Variants in RB1 observed in about 807,000 individuals in gnomAD.
RB1 encodes the protein retinoblastoma-associated protein.
In RB1, 18 loss-of-function variants were observed where a neutral mutation model predicts 135.4. That is an observed-to-expected ratio of 0.13 (90% CI 0.09 to 0.20). The LOEUF (loss-of-function observed/expected upper bound fraction) is 0.20, where lower values mean the gene tolerates loss of function less well. Among genes scored for constraint, RB1 ranks in the 10% least tolerant of loss-of-function variants. RB1 has a pLI of 1.00. For missense variants in RB1, 868 were observed against 1,110.0 expected (o/e 0.78, Z 3.10); for synonymous variants, 365 against 373.2 (o/e 0.98, Z 0.25).
intron 17 of RB1, 81 bp downstream of exon 17, chr13:48,381,524 A>T: frequency 1.7e-6 from 2 of 1,201,100 alleles, no homozygotes. Context: ...GTTTCTTAAC[A>T]TCTACCTCAA....
chr13:48,440,188 C>G (rs1949223391), intron 17 of RB1, among the ~76,000 whole-genome samples: 1 of 152,078 alleles, frequency 6.6e-6, no homozygotes, highest in African/African-American at 2.4e-5. Flanking sequence ...CTGATATATG[C>G]TGCCTCCCAA....
In RB1 at chr13:48,345,373, C is replaced by T. The variant is rs535640785; in HGVS notation, c.500+174C>T. 7.9e-5 allele frequency among the ~76,000 whole-genome samples: 12 copies of T among 152,288 alleles called. No homozygotes were observed. In the South Asian group the frequency reaches 2.5e-3, roughly 32 times the overall value. On this transcript the variant is annotated intron_variant, in intron 4 of 26. Transcript: ENST00000267163. ...GCTTTCTTATTTATCCAGTAATATG[C>T]ATTCTGAATGCTTCCTGGAAAATTA...
intron 9 of RB1, among the ~76,000 whole-genome samples, chr13:48,366,331 A>G (rs995330768): frequency 3.9e-5 from 6 of 152,218 alleles, no homozygotes; most frequent in Non-Finnish European, 8.8e-5. Flanking sequence ...CAATCAATAG[A>G]TGACTGGTAA....
intron 17 of RB1, among the ~76,000 whole-genome samples, chr13:48,434,020 G>A (rs940543811): frequency 1.3e-5 from 2 of 151,486 alleles, no homozygotes; most frequent in Non-Finnish European, 2.9e-5. Context: ...CACTGTGCCT[G>A]GCCTCAATAT....
At chr13:48,460,182 T>C (rs1447032439) in intron 20 of RB1, among the ~76,000 whole-genome samples, 1 of 151,846 alleles carries the variant, frequency 6.6e-6, no homozygotes, top group Non-Finnish European at 1.5e-5. Flanking sequence ...TTGGCCAGGC[T>C]GGTCTCAAAC....
At chr13:48,345,660 A>G (rs1305568861) in intron 4 of RB1, among the ~76,000 whole-genome samples, 1 of 152,210 alleles carries the variant, frequency 6.6e-6, no homozygotes, top group Non-Finnish European at 1.5e-5. Flanking sequence ...GAGTAGGAGC[A>G]TAATTAATAT....
chr13:48,394,163 T>C (rs913246817), intron 17 of RB1, among the ~76,000 whole-genome samples: 5 of 152,088 alleles, frequency 3.3e-5, no homozygotes, highest in African/African-American at 1.2e-4. Flanking sequence ...GGGAACTCCC[T>C]CCCCTAGCCA....
At chr13:48,375,560 A>G (rs1952812653) in intron 12 of RB1, among the ~76,000 whole-genome samples, 1 of 150,368 alleles carries the variant, frequency 6.7e-6, no homozygotes, top group Non-Finnish European at 1.5e-5. Context: ...AATGAAAATT[A>G]TAATCTTATT....
At chr13:48,377,812 T>C (rs2138138034) in intron 13 of RB1, among the ~76,000 whole-genome samples, 1 of 152,292 alleles carries the variant, frequency 6.6e-6, no homozygotes, top group East Asian at 1.9e-4. Context: ...ACCTAGATGG[T>C]ATAGCCGATT....
intron 17 of RB1, among the ~76,000 whole-genome samples, chr13:48,436,992 A>G (rs1266992960): frequency 6.6e-6 from 1 of 152,216 alleles, no homozygotes; most frequent in African/African-American, 2.4e-5. Context: ...CTCTTTTAGG[A>G]GCACCTTGAC....
intron 17 of RB1, 53 bp downstream of exon 17, chr13:48,381,496 T>C: frequency 6.6e-7 from 1 of 1,511,876 alleles, no homozygotes; most frequent in Non-Finnish European, 9.2e-7. Flanking sequence ...GGCTAACAAA[T>C]TATTGTTAGT....
chr13:48,312,135 G>A (rs1211832630), intron 2 of RB1, among the ~76,000 whole-genome samples: 2 of 152,128 alleles, frequency 1.3e-5, no homozygotes, highest in African/African-American at 4.8e-5. Flanking sequence ...GTTCTGCAGT[G>A]TCCACATATC....
At chr13:48,399,592 G>A (rs1168289759) in intron 17 of RB1, among the ~76,000 whole-genome samples, 1 of 151,850 alleles carries the variant, frequency 6.6e-6, no homozygotes, top group East Asian at 1.9e-4. Context: ...GGATTAATAA[G>A]GCATTAAATG....
At chr13:48,476,457 G>A (rs1440961476) in intron 24 of RB1, 7 of 453,538 alleles carry the variant, frequency 1.5e-5, no homozygotes, top group Non-Finnish European at 2.0e-5. Context: ...GAGGAAGAAT[G>A]TGAGCTGCAT....
chr13:48,337,515 T>G (rs187904), intron 2 of RB1, among the ~76,000 whole-genome samples: 1 of 152,218 alleles, frequency 6.6e-6, no homozygotes, highest in African/African-American at 2.4e-5. Flanking sequence ...TGCCTTTTTT[T>G]GTTTTCCATT....
intron 17 of RB1, among the ~76,000 whole-genome samples, chr13:48,387,448 C>T (rs1948578976): frequency 6.6e-6 from 1 of 151,972 alleles, no homozygotes; most frequent in African/African-American, 2.4e-5. Flanking sequence ...CACAGAAAAC[C>T]ACATATTGTA....
rs143577738 is a variant in RB1 at position 48,381,101 on chromosome 13, C to T, written c.1499-146C>T. 61 of 1,117,820 alleles carry T rather than the reference C, an allele frequency of 5.5e-5. No individual in the cohort carries two copies. The South Asian group carries it at 6.8e-4, about 13-fold the overall frequency. The allele number at this position is 1,117,820 out of a possible 1,614,324, so 69.2% of individuals were successfully genotyped here. On this transcript the variant is annotated intron_variant, in intron 16 of 26. Transcript: ENST00000267163. ...ATTGGAAGGCTATTTCCTATGAGTC[C>T]GTAGACTCCAAAATAAAAAATTCTG...
chr13:48,473,628 AATAC>A (rs1949486084), intron 24 of RB1, among the ~76,000 whole-genome samples: 1 of 152,192 alleles, frequency 6.6e-6, no homozygotes, highest in African/African-American at 2.4e-5. Context: ...GAGATTATAT[AATAC>A]ATATATACAT....
intron 2 of RB1, among the ~76,000 whole-genome samples, chr13:48,321,158 C>T (rs1056512471): frequency 3.3e-5 from 5 of 152,114 alleles, no homozygotes; most frequent in Non-Finnish European, 5.9e-5. Context: ...TTGCGTCCCG[C>T]GTCCCGCATC....
Sources: gnomAD v4.1 joint callset for allele counts (sites outside exome capture counted in the v4.1 genomes callset) on GRCh38, gnomAD v4.1.1 for gene constraint, MANE v1.5 for transcripts, NCBI Gene and HGNC (gene_info 2026-07-23, HGNC 2026-07-21) for gene names.